Variants in RANBP3L observed in about 807,000 individuals in gnomAD.
RANBP3L encodes the protein RAN binding protein 3 like.
In RANBP3L, 56 loss-of-function variants were observed where a neutral mutation model predicts 67.2. That is an observed-to-expected ratio of 0.83 (90% CI 0.67 to 1.04). RANBP3L has a LOEUF of 1.04. Ranked by LOEUF, RANBP3L falls within the 50% of genes least tolerant of loss-of-function variation. RANBP3L has a pLI of 0.00. For synonymous variants in RANBP3L, 164 were observed against 181.4 expected, an observed-to-expected ratio of 0.90 and a Z score of 0.77; for missense variants, 496 against 535.5, an observed-to-expected ratio of 0.93 and a Z score of 0.73.
chr5:36,282,609 T>C (rs1442709965), intron 1 of RANBP3L, among the ~76,000 whole-genome samples: 1 of 152,198 alleles, frequency 6.6e-6, no homozygotes, highest in Non-Finnish European at 1.5e-5. Flanking sequence ...TTCCTCTTTG[T>C]CTTGAGCCTT....
intron 1 of RANBP3L, among the ~76,000 whole-genome samples, chr5:36,284,707 T>C (rs1034180989): frequency 1.3e-5 from 2 of 152,214 alleles, no homozygotes; most frequent in Admixed American, 1.3e-4. Flanking sequence ...AGGCAGTTAT[T>C]TAAAGTTAAG....
chr5:36,291,345 ATTTTTTAT>A (rs1396096459), intron 1 of RANBP3L, among the ~76,000 whole-genome samples: 1 of 149,010 alleles, frequency 6.7e-6, no homozygotes, highest in Admixed American at 6.6e-5. Flanking sequence ...TTATTTTTTA[ATTTTTTAT>A]TTTTTTATTT....
intron 1 of RANBP3L, among the ~76,000 whole-genome samples, chr5:36,274,753 C>T (rs1331946170): frequency 2.0e-5 from 3 of 151,938 alleles, no homozygotes; most frequent in East Asian, 1.9e-4. Flanking sequence ...ACCCCTCCCG[C>T]GGTGATGAAA....
chr5:36,259,853 A>G (rs918929445), intron 8 of RANBP3L, among the ~76,000 whole-genome samples: 3 of 152,168 alleles, frequency 2.0e-5, no homozygotes, highest in African/African-American at 7.2e-5. Context: ...TTTCCACTGT[A>G]GATCAGAGTT....
intron 1 of RANBP3L, among the ~76,000 whole-genome samples, chr5:36,291,497 C>A (rs976743252): frequency 1.3e-5 from 2 of 151,964 alleles, no homozygotes; most frequent in African/African-American, 4.8e-5. Context: ...GCGCTGCACC[C>A]ACTAACTCGT....
chr5:36,278,256 C>A (rs546146387), intron 1 of RANBP3L, among the ~76,000 whole-genome samples: 68 of 152,020 alleles, frequency 4.5e-4, no homozygotes, highest in Admixed American at 3.8e-3. Flanking sequence ...CTTTTTTATT[C>A]TTTTTATTTT....
chr5:36,277,758 CT>C (rs1300055829), intron 1 of RANBP3L, among the ~76,000 whole-genome samples: 2 of 152,030 alleles, frequency 1.3e-5, no homozygotes, highest in Non-Finnish European at 2.9e-5. Flanking sequence ...GTGATATGCA[CT>C]CACTATATTA....
intron 6 of RANBP3L, among the ~76,000 whole-genome samples, chr5:36,262,866 T>G (rs1461703612): frequency 6.6e-6 from 1 of 152,212 alleles, no homozygotes; most frequent in Admixed American, 6.5e-5. Flanking sequence ...GTCATTCAGA[T>G]AATGTATCTC....
At chr5:36,254,783 T>C (rs1006528504) in intron 11 of RANBP3L, among the ~76,000 whole-genome samples, 16 of 152,094 alleles carry the variant, frequency 1.1e-4, no homozygotes, top group African/African-American at 3.9e-4. Flanking sequence ...AATCCATTCA[T>C]CCTGCCCAGA....
intron 12 of RANBP3L, among the ~76,000 whole-genome samples, chr5:36,252,792 C>T (rs1561092564): frequency 6.6e-6 from 1 of 152,040 alleles, no homozygotes; most frequent in Non-Finnish European, 1.5e-5. Context: ...GGGGTTTGTA[C>T]ATCATCTTAC....
intron 1 of RANBP3L, among the ~76,000 whole-genome samples, chr5:36,301,008 A>G (rs1752572530): frequency 6.6e-6 from 1 of 152,220 alleles, no homozygotes; most frequent in Non-Finnish European, 1.5e-5. Context: ...AGCTACTCTC[A>G]GCTGAAATCC....
chr5:36,265,266 G>A (rs1456099330), intron 5 of RANBP3L, among the ~76,000 whole-genome samples, 168 bp from the exon 6 acceptor site: 7 of 152,092 alleles, frequency 4.6e-5, no homozygotes, highest in African/African-American at 1.7e-4. Context: ...TTCACACCCT[G>A]CCTAGCTTTT....
intron 10 of RANBP3L, among the ~76,000 whole-genome samples, chr5:36,256,146 C>G (rs1471920396): frequency 1.3e-5 from 2 of 152,020 alleles, no homozygotes; most frequent in Admixed American, 1.3e-4. Context: ...ACAGGTTACC[C>G]TACTGCAATC....
At chr5:36,300,969 A>G (rs1008878674) in intron 1 of RANBP3L, among the ~76,000 whole-genome samples, 6 of 152,212 alleles carry the variant, frequency 3.9e-5, no homozygotes, top group Admixed American at 1.3e-4. Context: ...CAGTGGTACT[A>G]TGGTAGAGAA....
At chr5:36,286,281 G>T (rs1440142750) in intron 1 of RANBP3L, among the ~76,000 whole-genome samples, 1 of 152,132 alleles carries the variant, frequency 6.6e-6, no homozygotes, top group East Asian at 1.9e-4. Context: ...GAACCTGAAA[G>T]GTGTAAATGA....
In RANBP3L at chr5:36,247,789, G is replaced by A. The variant is rs1748368117; in HGVS notation, c.*1865C>T. Among the ~76,000 whole-genome samples, 1 of 152,212 alleles carries A rather than the reference G, an allele frequency of 6.6e-6. No homozygotes were observed. Among genetic ancestry groups the A allele is most frequent in the South Asian group, 2.1e-4 (1 of 4,834 alleles). On this transcript the variant is annotated 3_prime_UTR_variant, in exon 14 of 14. Transcript: ENST00000296604. Reference sequence around the variant, plus strand: ...ATCCCAGCTACTCAGGAGGCTGAGTGAGGCACGAGAATCCCTTGAACCCGG... The same window carrying A: ...ATCCCAGCTACTCAGGAGGCTGAGTAAGGCACGAGAATCCCTTGAACCCGG...
Position 36,247,756 on chromosome 5 carries a change from C to T in RANBP3L, c.*1898G>A, listed in dbSNP as rs1328778029. ...AAAATTAGCCAGGTATGATGGCGGG[C>T]GCCTGTAATCCCAGCTACTCAGGAG... On this transcript the variant is annotated 3_prime_UTR_variant, in exon 14 of 14. Coordinates refer to ENST00000296604, the MANE Select transcript of RANBP3L (RefSeq NM_145000.5). Among the ~76,000 whole-genome samples the T allele has an allele frequency of 6.6e-6, 1 of 152,104 alleles. No homozygotes were observed. Among genetic ancestry groups the T allele is most frequent in the African/African-American group, 2.4e-5 (1 of 41,406 alleles).
intron 1 of RANBP3L, among the ~76,000 whole-genome samples, chr5:36,295,166 A>G (rs1287745915): frequency 6.6e-6 from 1 of 151,966 alleles, no homozygotes; most frequent in Non-Finnish European, 1.5e-5. Context: ...AGGGTAACAT[A>G]GTAATTCTAT....
chr5:36,266,304 T>TG (rs1372887129), intron 4 of RANBP3L, among the ~76,000 whole-genome samples: 1 of 152,164 alleles, frequency 6.6e-6, no homozygotes, highest in Non-Finnish European at 1.5e-5. Flanking sequence ...AACATGTTGG[T>TG]GGGGTAAGAC....
Sources: gnomAD v4.1 joint callset for allele counts (sites outside exome capture counted in the v4.1 genomes callset) on GRCh38, gnomAD v4.1.1 for gene constraint, MANE v1.5 for transcripts, NCBI Gene and HGNC (gene_info 2026-07-23, HGNC 2026-07-21) for gene names.